The following SLC44A1 variants were observed in gnomAD, a reference collection of about 807,000 sequenced individuals.
SLC44A1 encodes choline transporter-like protein 1.
In SLC44A1, 26 loss-of-function variants were observed where a neutral mutation model predicts 79.3. The ratio of observed to expected loss-of-function variants is 0.33; its 90% CI spans 0.24 to 0.46. The LOEUF (loss-of-function observed/expected upper bound fraction) is 0.46. SLC44A1 is among the 20% of genes least tolerant of loss of function. The pLI is 1.00. For missense variants in SLC44A1, 688 were observed against 798.1 expected (o/e 0.86, Z 1.66); for synonymous variants, 263 against 286.2 (o/e 0.92, Z 0.82).
At chr9:105,366,881 T>C (rs1564461909) in intron 12 of SLC44A1, among the ~76,000 whole-genome samples, 1 of 152,146 alleles carries the variant, frequency 6.6e-6, no homozygotes. Context: ...TGTGACACTT[T>C]ATCCCTCTTT....
rs1828770275 is a variant in SLC44A1, at chr9:105,391,919, A to G, written c.*2863A>G. 1 of 985,270 alleles carries G rather than the reference A, an allele frequency of 1.0e-6. No individual in the cohort carries two copies. Among genetic ancestry groups the G allele is most frequent in the Non-Finnish European group, 1.2e-6 (1 of 829,838 alleles). The allele number at this position is 985,270 out of a possible 1,614,324, so 61.0% of individuals were successfully genotyped here. A position where few individuals can be genotyped will look rare whatever the true frequency, so the allele number is the denominator to read the frequency against. On this transcript the variant is annotated 3_prime_UTR_variant, in exon 16 of 16. Coordinates refer to ENST00000374720, the MANE Select transcript of SLC44A1 (RefSeq NM_080546.5). ...TTTTAATTGGGGTCCTCTATTGTCA[A>G]TTGTAGTAGTGACCAGAGTATCGTG...
intron 12 of SLC44A1, among the ~76,000 whole-genome samples, chr9:105,371,377 C>T (rs1828093612): frequency 6.6e-6 from 1 of 152,178 alleles, no homozygotes; most frequent in Admixed American, 6.5e-5. Flanking sequence ...TGAAAGCAGC[C>T]ATAGACAATA....
At chr9:105,311,091 A>G (rs1337621104) in intron 3 of SLC44A1, among the ~76,000 whole-genome samples, 2 of 152,206 alleles carry the variant, frequency 1.3e-5, no homozygotes, top group African/African-American at 4.8e-5. Context: ...ACTCTTAGCA[A>G]TTTGAAGAAT....
chr9:105,362,357 C>A (rs578158991), intron 8 of SLC44A1, among the ~76,000 whole-genome samples: 1 of 152,146 alleles, frequency 6.6e-6, no homozygotes, highest in South Asian at 2.1e-4. Context: ...ATTTTAGGTA[C>A]AATTTGCTGT....
chr9:105,338,992 A>C (rs1827007903), intron 4 of SLC44A1, among the ~76,000 whole-genome samples: 1 of 152,234 alleles, frequency 6.6e-6, no homozygotes, highest in South Asian at 2.1e-4. Context: ...AAAAACTCTT[A>C]GAAGAAAATG....
rs113190072 is a variant in SLC44A1, at chr9:105,258,028, T to C, written c.36+13124T>C. Among the ~76,000 whole-genome samples, 803 of 152,316 alleles carry C rather than the reference T, an allele frequency of 5.3e-3. 9 individuals are homozygous for C. Among genetic ancestry groups the C allele is most frequent in the African/African-American group, 0.018 (768 of 41,562 alleles). On this transcript the variant is annotated intron_variant, in intron 1 of 15. Transcript: ENST00000374720. ...GCCCAGGGAGCTGTTCAGTAACTCA[T>C]ACCAGTGTAAACAGGAAACAGAGAA... is the stretch of plus-strand genomic sequence containing the variant.
intron 3 of SLC44A1, among the ~76,000 whole-genome samples, chr9:105,325,070 A>G (rs998046557): frequency 1.3e-5 from 2 of 152,388 alleles, no homozygotes; most frequent in Non-Finnish European, 2.9e-5. Flanking sequence ...TAGCAGCTGC[A>G]GCATCTAATA....
At chr9:105,342,552 G>C (rs146676853) in intron 4 of SLC44A1, among the ~76,000 whole-genome samples, 1 of 152,186 alleles carries the variant, frequency 6.6e-6, no homozygotes, top group Non-Finnish European at 1.5e-5. Context: ...CAAGACAGGT[G>C]GTGAAGGGAA....
chr9:105,365,704 T>A, intron 11 of SLC44A1, 65 bp downstream of exon 11: 1 of 1,402,018 alleles, frequency 7.1e-7, no homozygotes, highest in Non-Finnish European at 1.0e-6. Flanking sequence ...CTGCATGTAG[T>A]AAAGCACCCA....
chr9:105,248,957 G>A (rs1289580606), intron 1 of SLC44A1, among the ~76,000 whole-genome samples: 1 of 152,140 alleles, frequency 6.6e-6, no homozygotes, highest in African/African-American at 2.4e-5. Context: ...TGCTTTAGAG[G>A]CCAGGAGATT....
chr9:105,309,802 T>C lies in SLC44A1; in HGVS notation c.205T>C (p.Cys69Arg). The part of the protein sequence containing the change: ...VSGYDSYGNI[C>R]GQKNTKLEAI... Reference sequence around the variant, plus strand: ...AGGATACGACAGCTATGGAAATATCTGTGGGCAGAAAAATACAAAGTTGGA... The same window carrying C: ...AGGATACGACAGCTATGGAAATATCCGTGGGCAGAAAAATACAAAGTTGGA... Residue 69 changes from cysteine (C) to arginine (R), a missense_variant, in exon 3 of 16, where the codon TGT becomes CGT. Transcript: ENST00000374720. The C allele has an allele frequency of 1.2e-6, 2 of 1,614,008 alleles. No homozygotes were observed. Among genetic ancestry groups the C allele is most frequent in the Non-Finnish European group, 1.7e-6 (2 of 1,179,918 alleles).
intron 12 of SLC44A1, among the ~76,000 whole-genome samples, chr9:105,373,756 C>T (rs1000084833): frequency 2.0e-5 from 3 of 152,226 alleles, no homozygotes; most frequent in African/African-American, 7.2e-5. Context: ...AGCAGCTCTT[C>T]TCATTATGTT....
Position 105,258,221 on chromosome 9 carries a change from ATGAAT to A in SLC44A1, c.36+13319_36+13323del, listed in dbSNP as rs1829756611. 2.6e-5 allele frequency among the ~76,000 whole-genome samples: 4 copies of A among 152,336 alleles called. No individual in the cohort carries two copies. The South Asian group carries it at 8.3e-4, about 32-fold the overall frequency. On this transcript the variant is annotated intron_variant, in intron 1 of 15. Coordinates refer to ENST00000374720, the MANE Select transcript of SLC44A1 (RefSeq NM_080546.5). ...GGGACTAGTTTGTGGAGAGGGGAAG[ATGAAT>A]TCAATTTTGTATGGACTGACTGGAG...
intron 3 of SLC44A1, among the ~76,000 whole-genome samples, chr9:105,314,748 A>G (rs1588768860): frequency 6.6e-6 from 1 of 152,324 alleles, no homozygotes; most frequent in East Asian, 1.9e-4. Context: ...TAGGGGGTGC[A>G]TTTTATTTGA....
chr9:105,359,597 A>G (rs1005042151), intron 7 of SLC44A1, among the ~76,000 whole-genome samples: 1 of 152,320 alleles, frequency 6.6e-6, no homozygotes, highest in Admixed American at 6.5e-5. Flanking sequence ...ACTGTCTACC[A>G]TGGCTATTGT....
chr9:105,254,976 A>T (rs2131200351), intron 1 of SLC44A1, among the ~76,000 whole-genome samples: 1 of 150,276 alleles, frequency 6.7e-6, no homozygotes, highest in South Asian at 2.1e-4. Flanking sequence ...TATTTTCCTT[A>T]TTTTTTTTCC....
intron 4 of SLC44A1, among the ~76,000 whole-genome samples, chr9:105,340,836 C>T (rs1827065849): frequency 1.3e-5 from 2 of 152,252 alleles, no homozygotes; most frequent in South Asian, 4.1e-4. Context: ...AATCTATTTA[C>T]TAGGCAAATA....
At chr9:105,273,054 C>T (rs1307151806) in intron 1 of SLC44A1, among the ~76,000 whole-genome samples, 39 of 151,618 alleles carry the variant, frequency 2.6e-4, no homozygotes, top group Non-Finnish European at 1.3e-4. Flanking sequence ...TGTAGTGGCG[C>T]GATCTTGGCT....
At chr9:105,379,856 C>G (rs1049916351) in intron 13 of SLC44A1, among the ~76,000 whole-genome samples, 2 of 152,176 alleles carry the variant, frequency 1.3e-5, no homozygotes, top group South Asian at 2.1e-4. Flanking sequence ...TACTTTACTT[C>G]CATTTGGTAA....
Sources: allele counts gnomAD v4.1 joint callset (sites outside exome capture counted in the v4.1 genomes callset), GRCh38; gene constraint gnomAD v4.1.1; transcripts MANE v1.5; gene names NCBI Gene and HGNC (gene_info 2026-07-23, HGNC 2026-07-21).